Variants in GDPD1 observed in about 807,000 individuals in gnomAD.
GDPD1 encodes the protein lysophospholipase D GDPD1.
GDPD1 carries 28 observed loss-of-function variants against 45.1 expected under a neutral mutation model. The observed-to-expected ratio is 0.62, with a 90% CI of 0.46 to 0.85. The LOEUF (loss-of-function observed/expected upper bound fraction) is 0.85. GDPD1 is among the 40% of genes least tolerant of loss of function. The probability of loss-of-function intolerance (pLI) is 0.00; values close to 1 mark genes in which losing one functional copy is unlikely to be tolerated. For synonymous variants in GDPD1, 139 were observed against 131.4 expected, an observed-to-expected ratio of 1.06 and a Z score of -0.40; for missense variants, 256 against 364.8, an observed-to-expected ratio of 0.70 and a Z score of 2.43.
At chr17:59,260,522 A>AGAGACC (rs2047347730) in intron 6 of GDPD1, among the ~76,000 whole-genome samples, 1 of 151,832 alleles carries the variant, frequency 6.6e-6, no homozygotes. Context: ...AGCCTGGGCA[A>AGAGACC]GAGACCGAGA....
In GDPD1 at chr17:59,273,933, T is replaced by C. The variant is rs1210399839; in HGVS notation, c.*160T>C. ...ATGAGAATGTAGAAACTATATATTA[T>C]ATGTATATTTATTTTAAATAATATT... On this transcript the variant is annotated 3_prime_UTR_variant, in exon 10 of 10. Transcript: ENST00000284116. The C allele has an allele frequency of 1.3e-6, 1 of 794,104 alleles. No individual in the cohort carries two copies. The highest frequency in any genetic ancestry group is 1.9e-5 in the African/African-American group (1 of 53,928). The allele number at this position is 794,104 out of a possible 1,614,324, so 49.2% of individuals were successfully genotyped here.
chr17:59,255,528 C>T (rs998307740), intron 4 of GDPD1, among the ~76,000 whole-genome samples: 6 of 149,250 alleles, frequency 4.0e-5, no homozygotes, highest in Non-Finnish European at 7.4e-5. Flanking sequence ...GATCACCGAA[C>T]GCCAGGAGTT....
At chr17:59,226,990 C>A (rs1052290637) in intron 1 of GDPD1, among the ~76,000 whole-genome samples, 3 of 151,904 alleles carry the variant, frequency 2.0e-5, no homozygotes, top group East Asian at 1.9e-4. Context: ...CTGAGCAGTA[C>A]CTTTTTATTG....
chr17:59,243,276 AGGGT>A (rs1217450627), intron 2 of GDPD1, among the ~76,000 whole-genome samples: 2 of 150,422 alleles, frequency 1.3e-5, no homozygotes, highest in African/African-American at 4.9e-5. Flanking sequence ...GAGGCCGAAG[AGGGT>A]GGATCACCTG....
At chr17:59,228,965 G>T (rs1376915606) in intron 1 of GDPD1, among the ~76,000 whole-genome samples, 2 of 151,054 alleles carry the variant, frequency 1.3e-5, no homozygotes, top group Non-Finnish European at 2.9e-5. Flanking sequence ...TTCTACTGTT[G>T]CAGCTAAAAA....
chr17:59,224,801 C>T (rs1374077058), intron 1 of GDPD1, among the ~76,000 whole-genome samples: 7 of 152,052 alleles, frequency 4.6e-5, no homozygotes, highest in Admixed American at 4.6e-4. Context: ...TGAACTTCAG[C>T]TTGGGCGACA....
chr17:59,263,346 C>T (rs775155569), intron 6 of GDPD1, among the ~76,000 whole-genome samples: 60 of 152,162 alleles, frequency 3.9e-4, no homozygotes, highest in Non-Finnish European at 7.1e-4. Flanking sequence ...CACTTTTGGC[C>T]TGTAATCATA....
At chr17:59,236,304 C>T (rs954782087) in intron 2 of GDPD1, among the ~76,000 whole-genome samples, 4 of 152,070 alleles carry the variant, frequency 2.6e-5, no homozygotes, top group Non-Finnish European at 5.9e-5. Context: ...TTTTTACTTG[C>T]TAAATACAAC....
chr17:59,220,589 A>G lies in GDPD1; in HGVS notation c.-21A>G, dbSNP rs373417983. On this transcript the variant is annotated 5_prime_UTR_variant, in exon 1 of 10. Coordinates refer to ENST00000284116, the MANE Select transcript of GDPD1 (RefSeq NM_182569.4). The stretch of plus-strand genomic sequence containing the variant: ...AGTTCAGAGGGCCCGGAGGTGGGAG[A>G]CTTCCCACACGGTGACTGAGATGTC... 1 of 1,609,416 alleles carries G rather than the reference A, an allele frequency of 6.2e-7. No homozygotes were observed. Among genetic ancestry groups the G allele is most frequent in the Non-Finnish European group, 8.5e-7 (1 of 1,177,412 alleles).
At chr17:59,227,852 G>A (rs1418019560) in intron 1 of GDPD1, among the ~76,000 whole-genome samples, 2 of 152,170 alleles carry the variant, frequency 1.3e-5, no homozygotes, top group African/African-American at 4.8e-5. Context: ...CTTCAGAGAT[G>A]TTAAGAAATG....
Position 59,220,636 on chromosome 17 carries a change from T to C in GDPD1, c.27T>C (p.Leu9=), listed in dbSNP as rs1194157930. Residue 9 remains leucine (L), a synonymous_variant, in exon 1 of 10, where the codon CTT becomes CTC. Transcript: ENST00000284116. ...TGTCGTCCACTGCGGCTTTTTACCT[T>C]CTCTCTACGCTAGGAGGATACTTGG... MSSTAAFY[L]LSTLGGYLVT... 2 of 1,613,768 alleles carry C rather than the reference T, an allele frequency of 1.2e-6. No homozygotes were observed. Among genetic ancestry groups the C allele is most frequent in the South Asian group, 2.2e-5 (2 of 90,964 alleles).
intron 1 of GDPD1, among the ~76,000 whole-genome samples, chr17:59,223,922 G>T (rs2047025525): frequency 6.6e-6 from 1 of 152,178 alleles, no homozygotes. Flanking sequence ...GCACTCCGAG[G>T]GGTTGAATCA....
In GDPD1 at chr17:59,273,786, T is replaced by C; in HGVS notation, c.*13T>C. ...CTTTTCAGCATAGAAAAAGAGGTAC[T>C]TAGAAGTATTGAAGGAAAAAATGAA... On this transcript the variant is annotated 3_prime_UTR_variant, in exon 10 of 10. Coordinates refer to ENST00000284116, the MANE Select transcript of GDPD1 (RefSeq NM_182569.4). The C allele has an allele frequency of 6.5e-7, 1 of 1,549,484 alleles. No individual in the cohort carries two copies. The highest frequency in any genetic ancestry group is 1.3e-5 in the South Asian group (1 of 79,408).
In GDPD1 at chr17:59,255,812, CGCGTATATATATAT is replaced by C. The variant is rs1266101138; in HGVS notation, c.368-1309_368-1296del. ...GCGTATATATGTATATATATATATA[CGCGTATATATATAT>C]ACGCGTATATATATATATATATATA... On this transcript the variant is annotated intron_variant, in intron 4 of 9. Transcript: ENST00000284116. Among the ~76,000 whole-genome samples the C allele has an allele frequency of 1.7e-4, 11 of 64,618 alleles. 1 individual carries two copies. Among genetic ancestry groups the C allele is most frequent in the Admixed American group, 5.7e-4 (3 of 5,274 alleles). 42.4% of individuals were successfully genotyped at this position (64,618 alleles called of 152,430 possible).
intron 1 of GDPD1, among the ~76,000 whole-genome samples, chr17:59,231,006 G>A (rs1444066139): frequency 1.3e-5 from 2 of 152,152 alleles, no homozygotes; most frequent in Admixed American, 6.6e-5. Flanking sequence ...CTTCCTCACT[G>A]TCTTCAAGGA....
rs2047473119 is a variant in GDPD1, at chr17:59,275,201, G to A, written c.*1428G>A. 2.6e-6 allele frequency: 4 copies of A among 1,536,412 alleles called. No homozygotes were observed. The highest frequency in any genetic ancestry group is 2.4e-5 in the South Asian group (2 of 84,040). On this transcript the variant is annotated 3_prime_UTR_variant, in exon 10 of 10. Coordinates refer to ENST00000284116, the MANE Select transcript of GDPD1 (RefSeq NM_182569.4). ...TGGTAGTGTCTTGTTATTTCTAGGTGTACCTTAGTTAAAGAGGAAAAATAA... is the reference window on the plus strand; with the variant it reads ...TGGTAGTGTCTTGTTATTTCTAGGTATACCTTAGTTAAAGAGGAAAAATAA...
rs543083213 is a variant in GDPD1, at chr17:59,274,416, G to C, written c.*643G>C. ...TCATCCCAGCAGCTCTTAAGGCTGA[G>C]GCACAAGAATTGCTTGAACCCGGGA... On this transcript the variant is annotated 3_prime_UTR_variant, in exon 10 of 10. Transcript: ENST00000284116. The C allele has an allele frequency of 6.6e-6, 1 of 150,834 alleles. No homozygotes were observed. The highest frequency in any genetic ancestry group is 1.5e-5 in the Non-Finnish European group (1 of 68,020). 9.3% of individuals were successfully genotyped at this position (150,834 alleles called of 1,614,324 possible).
intron 6 of GDPD1, among the ~76,000 whole-genome samples, chr17:59,260,468 G>A (rs1236576777): frequency 6.6e-6 from 1 of 152,004 alleles, no homozygotes; most frequent in Non-Finnish European, 1.5e-5. Flanking sequence ...CTTGAACCCA[G>A]GAGGCAGAGG....
intron 2 of GDPD1, among the ~76,000 whole-genome samples, chr17:59,236,974 T>A (rs1034500117): frequency 6.6e-6 from 1 of 152,216 alleles, no homozygotes; most frequent in Non-Finnish European, 1.5e-5. Context: ...TATGAATACA[T>A]ACTTTTTAAA....
Sources: allele counts gnomAD v4.1 joint callset (sites outside exome capture counted in the v4.1 genomes callset), GRCh38; gene constraint gnomAD v4.1.1; transcripts MANE v1.5; gene names NCBI Gene and HGNC (gene_info 2026-07-23, HGNC 2026-07-21).